The following FIGN variants were observed in gnomAD, a reference collection of about 807,000 sequenced individuals.
FIGN encodes fidgetin, microtubule severing factor.
A neutral mutation model predicts 51.3 loss-of-function variants in FIGN; 11 were observed. The observed-to-expected ratio is 0.21, with a 90% CI of 0.13 to 0.35. The LOEUF (loss-of-function observed/expected upper bound fraction) is 0.35. FIGN is among the 10% of genes least tolerant of loss of function. The probability of loss-of-function intolerance (pLI) is 1.00; values close to 1 mark genes in which losing one functional copy is unlikely to be tolerated. For missense variants in FIGN, 857 were observed against 943.6 expected (o/e 0.91, Z 1.20); for synonymous variants, 407 against 363.2 (o/e 1.12, Z -1.37).
Position 163,611,163 on chromosome 2 carries a change from T to G in FIGN, c.669A>C (p.Pro223=), listed in dbSNP as rs562275345. The G allele has an allele frequency of 1.6e-4, 264 of 1,613,994 alleles. 1 individual carries two copies. Among genetic ancestry groups the G allele is most frequent in the East Asian group, 1.4e-3 (63 of 44,836 alleles). The change falls in exon 3 of 3, where the codon CCA becomes CCC. Residue 223 remains proline (P), a synonymous_variant. Coordinates refer to ENST00000333129, the MANE Select transcript of FIGN (RefSeq NM_018086.4). ...AGGCTGGTGGCGGAGGAGGTGGTGG[T>G]GGGGGCTGTAGTAGCCCAGAGCTAT... is the stretch of plus-strand genomic sequence containing the variant. The part of the protein sequence containing the change: ...PLHSSGLLQP[P]PPPPPPPALV...
intron 2 of FIGN, among the ~76,000 whole-genome samples, chr2:163,732,242 T>A (rs554669352): frequency 6.6e-6 from 1 of 152,302 alleles, no homozygotes; most frequent in African/African-American, 2.4e-5. Flanking sequence ...GTCCATGCAG[T>A]TTATATTGAT....
chr2:163,673,360 TG>T (rs1197388668), intron 2 of FIGN, among the ~76,000 whole-genome samples: 1 of 152,150 alleles, frequency 6.6e-6, no homozygotes, highest in Non-Finnish European at 1.5e-5. Flanking sequence ...GATTCTCTTC[TG>T]GACAAGGCAA....
At chr2:163,642,747 A>G (rs1405453935) in intron 2 of FIGN, among the ~76,000 whole-genome samples, 2 of 152,248 alleles carry the variant, frequency 1.3e-5, no homozygotes, top group Non-Finnish European at 2.9e-5. Flanking sequence ...TATGTTGGAT[A>G]AAATCAGAAA....
chr2:163,702,081 C>T (rs1361992570), intron 2 of FIGN, among the ~76,000 whole-genome samples: 1 of 152,054 alleles, frequency 6.6e-6, no homozygotes, highest in East Asian at 1.9e-4. Context: ...ATTGAATAAG[C>T]CTGGTCCAAA....
At chr2:163,645,808 A>G (rs906751905) in intron 2 of FIGN, among the ~76,000 whole-genome samples, 6 of 152,218 alleles carry the variant, frequency 3.9e-5, no homozygotes, top group African/African-American at 1.4e-4. Flanking sequence ...CTGATGCTCC[A>G]CAACTACTTA....
In FIGN at chr2:163,609,756, A is replaced by G. The variant is rs1400601849; in HGVS notation, c.2076T>C (p.Asp692=). The change falls in exon 3 of 3, where the codon GAT becomes GAC. Residue 692 remains aspartate (D), a synonymous_variant. Transcript: ENST00000333129. ...VQRTEGFSGL[D]VAHLCQEAVV... is the part of the protein sequence containing the mutation. ...CTGCTTCCTGACACAAATGAGCCACATCTAGTCCAGAAAAGCCTTCTGTGC... is the reference window on the plus strand; with the variant it reads ...CTGCTTCCTGACACAAATGAGCCACGTCTAGTCCAGAAAAGCCTTCTGTGC... 3.1e-6 allele frequency: 5 copies of G among 1,614,166 alleles called. No homozygotes were observed. The highest frequency in any genetic ancestry group is 4.2e-6 in the Non-Finnish European group (5 of 1,180,020).
chr2:163,688,837 A>T (rs1282736514), intron 2 of FIGN, among the ~76,000 whole-genome samples: 1 of 152,152 alleles, frequency 6.6e-6, no homozygotes, highest in African/African-American at 2.4e-5. Flanking sequence ...CAAGCAGAGT[A>T]TAACAATTAT....
At chr2:163,733,669 G>A (rs1355268438) in intron 2 of FIGN, among the ~76,000 whole-genome samples, 1 of 152,180 alleles carries the variant, frequency 6.6e-6, no homozygotes, top group Non-Finnish European at 1.5e-5. Flanking sequence ...AGTTCCAAAT[G>A]CAAAATTCAA....
Position 163,605,155 on chromosome 2 carries a change from T to C in FIGN, c.*4397A>G, listed in dbSNP as rs1011902264. 6.6e-6 allele frequency: 1 copy of C among 151,952 alleles called. No homozygotes were observed. Among genetic ancestry groups the C allele is most frequent in the African/African-American group, 2.4e-5 (1 of 41,386 alleles). The allele number at this position is 151,952 out of a possible 1,614,324, so 9.4% of individuals were successfully genotyped here. A position where few individuals can be genotyped will look rare whatever the true frequency, so the allele number is the denominator to read the frequency against. On this transcript the variant is annotated 3_prime_UTR_variant, in exon 3 of 3. Coordinates refer to ENST00000333129, the MANE Select transcript of FIGN (RefSeq NM_018086.4). ...TTTTCCTGCTTCCAGTCTAATTGTC[T>C]TTGACAATTGCAGTGCCTAGTGCTA... is the stretch of plus-strand genomic sequence containing the variant.
intron 2 of FIGN, among the ~76,000 whole-genome samples, chr2:163,637,685 T>C (rs1378530128): frequency 2.0e-5 from 3 of 152,078 alleles, no homozygotes; most frequent in Non-Finnish European, 4.4e-5. Flanking sequence ...TTTTTTGCTA[T>C]TAGAATGTGA....
At chr2:163,709,078 G>T (rs1490531950) in intron 2 of FIGN, among the ~76,000 whole-genome samples, 3 of 152,100 alleles carry the variant, frequency 2.0e-5, no homozygotes, top group Non-Finnish European at 4.4e-5. Flanking sequence ...ACATTCTGAT[G>T]CCATAATGAG....
At chr2:163,685,736 T>C (rs1302539745) in intron 2 of FIGN, among the ~76,000 whole-genome samples, 2 of 152,176 alleles carry the variant, frequency 1.3e-5, no homozygotes, top group Admixed American at 6.5e-5. Context: ...TAGTTTTTCC[T>C]AAGACATGCA....
At position 163,611,929 on chromosome 2, in the gene FIGN, T is replaced by TTTATAATAC. The variant is rs1558995443; in HGVS notation, c.26-124_26-123insGTATTATAA. ...TTAATGATATGCATACTTTAAAAGA[T>TTTATAATAC]CTACACTGTTTATAATACCTATTAT... On this transcript the variant is annotated intron_variant, in intron 2 of 2. Transcript: ENST00000333129. 2.6e-5 allele frequency: 18 copies of TTTATAATAC among 690,048 alleles called. No homozygotes were observed. The African/African-American group carries it at 3.1e-4, about 12-fold the overall frequency. The allele number at this position is 690,048 out of a possible 1,614,324, so 42.7% of individuals were successfully genotyped here. A position where few individuals can be genotyped will look rare whatever the true frequency, so the allele number is the denominator to read the frequency against.
intron 2 of FIGN, among the ~76,000 whole-genome samples, chr2:163,669,015 A>AAT (rs138074416): frequency 0.32 from 43,926 of 138,310 alleles, 6,908 homozygotes; most frequent in East Asian, 0.47. Flanking sequence ...GAAAAAAAGG[A>AAT]ATATATATAT....
intron 2 of FIGN, among the ~76,000 whole-genome samples, chr2:163,627,537 G>A (rs1683072094): frequency 6.6e-6 from 1 of 152,110 alleles, no homozygotes; most frequent in African/African-American, 2.4e-5. Context: ...GGGTTTTTAT[G>A]CTTGAGCTTT....
intron 2 of FIGN, among the ~76,000 whole-genome samples, chr2:163,692,064 G>A (rs376133585): frequency 9.9e-5 from 15 of 152,088 alleles, no homozygotes; most frequent in African/African-American, 3.4e-4. Flanking sequence ...ACAATGATAA[G>A]CTTCACAAAA....
intron 2 of FIGN, among the ~76,000 whole-genome samples, chr2:163,682,208 T>C (rs940821860): frequency 1.3e-5 from 2 of 152,228 alleles, no homozygotes; most frequent in Non-Finnish European, 2.9e-5. Context: ...TTTATTCTAA[T>C]GGGAAAGGAA....
intron 2 of FIGN, among the ~76,000 whole-genome samples, chr2:163,646,856 G>T (rs772257114): frequency 1.3e-5 from 2 of 152,164 alleles, no homozygotes; most frequent in Non-Finnish European, 2.9e-5. Flanking sequence ...TAGCAGATAG[G>T]CTTGGTGACA....
At chr2:163,716,997 T>A (rs1438974817) in intron 2 of FIGN, among the ~76,000 whole-genome samples, 1 of 152,186 alleles carries the variant, frequency 6.6e-6, no homozygotes, top group Non-Finnish European at 1.5e-5. Flanking sequence ...TATTTTTTAT[T>A]ACAATTTTGC....
Sources: allele counts gnomAD v4.1 joint callset (sites outside exome capture counted in the v4.1 genomes callset), GRCh38; gene constraint gnomAD v4.1.1; transcripts MANE v1.5; gene names NCBI Gene and HGNC (gene_info 2026-07-23, HGNC 2026-07-21).